ZMAT4: variants seen among roughly 807,000 people sequenced by gnomAD.
ZMAT4 encodes zinc finger matrin-type 4.
In ZMAT4, 17 loss-of-function variants were observed where a neutral mutation model predicts 28.7. The ratio of observed to expected loss-of-function variants is 0.59; its 90% CI spans 0.41 to 0.89. ZMAT4 has a LOEUF of 0.89. Among genes scored for constraint, ZMAT4 ranks in the 40% least tolerant of loss-of-function variants. The pLI, the probability that ZMAT4 is intolerant of heterozygous loss-of-function variation, is 0.00. For missense variants in ZMAT4, 240 were observed against 283.8 expected (o/e 0.85, Z 1.11); for synonymous variants, 117 against 109.2 (o/e 1.07, Z -0.44).
intron 4 of ZMAT4, among the ~76,000 whole-genome samples, chr8:40,679,117 C>T (rs7008373): frequency 0.25 from 38,163 of 152,008 alleles, 5,255 homozygotes; most frequent in African/African-American, 0.37. Flanking sequence ...CAGTTTTCAA[C>T]ACTTGATTTC....
At chr8:40,652,983 A>G (rs1807749106) in intron 5 of ZMAT4, among the ~76,000 whole-genome samples, 1 of 151,430 alleles carries the variant, frequency 6.6e-6, no homozygotes, top group South Asian at 2.1e-4. Flanking sequence ...ACCTAATGTT[A>G]GATGACGAGT....
intron 2 of ZMAT4, among the ~76,000 whole-genome samples, chr8:40,770,181 C>A (rs1209656340): frequency 6.6e-6 from 1 of 152,124 alleles, no homozygotes; most frequent in Non-Finnish European, 1.5e-5. Flanking sequence ...AGCAGCATTC[C>A]TTTTCCCTGG....
At chr8:40,800,859 T>C (rs1008627492) in intron 2 of ZMAT4, among the ~76,000 whole-genome samples, 13 of 151,802 alleles carry the variant, frequency 8.6e-5, no homozygotes, top group Non-Finnish European at 1.9e-4. Context: ...AAGAAAAAAA[T>C]TAAATTCAAA....
chr8:40,831,882 T>A (rs572221953), intron 1 of ZMAT4, among the ~76,000 whole-genome samples: 7 of 152,310 alleles, frequency 4.6e-5, no homozygotes, highest in African/African-American at 1.4e-4. Flanking sequence ...TTCACTGAAG[T>A]ACTTCCCCTG....
At chr8:40,734,544 G>A (rs1017059556) in intron 3 of ZMAT4, among the ~76,000 whole-genome samples, 11 of 152,134 alleles carry the variant, frequency 7.2e-5, no homozygotes, top group African/African-American at 2.7e-4. Flanking sequence ...ACCGAGCGGA[G>A]AGAGAGAGAG....
chr8:40,574,056 G>A (rs1197622274), intron 6 of ZMAT4, among the ~76,000 whole-genome samples: 1 of 152,168 alleles, frequency 6.6e-6, no homozygotes, highest in Non-Finnish European at 1.5e-5. Flanking sequence ...TGGTCAGATT[G>A]CAATAGTTAA....
At chr8:40,860,408 T>C (rs1164577932) in intron 1 of ZMAT4, among the ~76,000 whole-genome samples, 2 of 152,248 alleles carry the variant, frequency 1.3e-5, no homozygotes, top group African/African-American at 4.8e-5. Flanking sequence ...AGACAATTTT[T>C]CACTTCATTT....
intron 5 of ZMAT4, among the ~76,000 whole-genome samples, chr8:40,606,523 T>G (rs1348922248): frequency 6.6e-6 from 1 of 152,254 alleles, no homozygotes; most frequent in Non-Finnish European, 1.5e-5. Context: ...CCTTCTGGCA[T>G]GCAGGGTTTC....
intron 2 of ZMAT4, among the ~76,000 whole-genome samples, chr8:40,814,201 G>A (rs1815441160): frequency 6.6e-6 from 1 of 152,214 alleles, no homozygotes; most frequent in Non-Finnish European, 1.5e-5. Context: ...TCAAATCACA[G>A]CAAACAAGAA....
Position 40,861,936 on chromosome 8 carries a change from A to C in ZMAT4, c.-5+35747T>G, listed in dbSNP as rs371863346. ...CAGGAAACAACAGGTGCTGGAGAGG[A>C]TGTGGAGAAATAGGAACACTTTTAT... On this transcript the variant is annotated intron_variant, in intron 1 of 6. Transcript: ENST00000297737. Among the ~76,000 whole-genome samples the C allele has an allele frequency of 1.4e-3, 207 of 152,240 alleles. 2 individuals are homozygous for C. The East Asian group carries it at 0.018, about 13-fold the overall frequency.
intron 3 of ZMAT4, among the ~76,000 whole-genome samples, chr8:40,746,210 T>C (rs1288730556): frequency 9.5e-6 from 1 of 105,608 alleles, no homozygotes; most frequent in Non-Finnish European, 1.9e-5. Flanking sequence ...CTTCCTTCCC[T>C]CCTTCCCTCC....
At chr8:40,710,499 T>C (rs1810561055) in intron 3 of ZMAT4, among the ~76,000 whole-genome samples, 1 of 152,096 alleles carries the variant, frequency 6.6e-6, no homozygotes, top group Non-Finnish European at 1.5e-5. Flanking sequence ...TGTTTCTTAA[T>C]TCTAACCAGT....
intron 3 of ZMAT4, among the ~76,000 whole-genome samples, chr8:40,759,406 A>G (rs1812836373): frequency 6.6e-6 from 1 of 152,142 alleles, no homozygotes; most frequent in Admixed American, 6.5e-5. Flanking sequence ...TACCTTTGAG[A>G]GATGACTAGC....
At chr8:40,833,642 G>A (rs187291584) in intron 1 of ZMAT4, among the ~76,000 whole-genome samples, 12 of 151,792 alleles carry the variant, frequency 7.9e-5, no homozygotes, top group East Asian at 3.9e-4. Flanking sequence ...AGGGGAAGAC[G>A]TCTGACCCCC....
chr8:40,823,075 G>A (rs757957081), intron 2 of ZMAT4, among the ~76,000 whole-genome samples: 21 of 152,060 alleles, frequency 1.4e-4, no homozygotes, highest in South Asian at 6.2e-4. Flanking sequence ...ATGTTCTGAC[G>A]TTACTTTTCT....
chr8:40,655,580 A>T (rs1020489810), intron 5 of ZMAT4, among the ~76,000 whole-genome samples: 7 of 151,482 alleles, frequency 4.6e-5, no homozygotes, highest in Admixed American at 4.0e-4. Flanking sequence ...AGTAATCAAG[A>T]TTGTGCGGTG....
intron 5 of ZMAT4, among the ~76,000 whole-genome samples, chr8:40,649,434 A>G (rs1807523416): frequency 1.3e-5 from 2 of 152,236 alleles, no homozygotes; most frequent in Admixed American, 1.3e-4. Flanking sequence ...GCAAGTCCTG[A>G]GTGACCTACA....
intron 5 of ZMAT4, among the ~76,000 whole-genome samples, chr8:40,656,563 A>C (rs1258198101): frequency 6.6e-6 from 1 of 152,190 alleles, no homozygotes; most frequent in African/African-American, 2.4e-5. Context: ...TGAATAAACA[A>C]AAAGTGTACC....
intron 4 of ZMAT4, chr8:40,690,787 T>C: frequency 1.9e-6 from 1 of 530,234 alleles, no homozygotes; most frequent in South Asian, 8.2e-5. Context: ...ATGTAAAAGT[T>C]CTGAAGCTCT....
Sources: gnomAD v4.1 joint callset for allele counts (sites outside exome capture counted in the v4.1 genomes callset) on GRCh38, gnomAD v4.1.1 for gene constraint, MANE v1.5 for transcripts, NCBI Gene and HGNC (gene_info 2026-07-23, HGNC 2026-07-21) for gene names.